The following PKHD1L1 variants were observed in gnomAD, a reference collection of about 807,000 sequenced individuals.
The protein encoded by PKHD1L1 is fibrocystin-L.
Under a neutral mutation model 462.9 loss-of-function variants are expected in PKHD1L1, and 434 were observed. The observed-to-expected ratio is 0.94, with a 90% CI of 0.87 to 1.02. The LOEUF (loss-of-function observed/expected upper bound fraction) is 1.02, where lower values mean the gene tolerates loss of function less well. Among genes scored for constraint, PKHD1L1 ranks in the 50% least tolerant of loss-of-function variants. PKHD1L1 has a pLI of 0.00. For synonymous variants in PKHD1L1, 1,781 were observed against 1,750.0 expected, an observed-to-expected ratio of 1.02 and a Z score of -0.44; for missense variants, 5,202 against 5,096.1, an observed-to-expected ratio of 1.02 and a Z score of -0.63.
intron 46 of PKHD1L1, among the ~76,000 whole-genome samples, chr8:109,457,476 T>C (rs1053449768): frequency 1.3e-5 from 2 of 152,140 alleles, no homozygotes; most frequent in African/African-American, 4.8e-5. Context: ...ATTAAGGAGT[T>C]TCCCACCAAA....
chr8:109,418,289 G>C (rs1269698310), intron 21 of PKHD1L1, among the ~76,000 whole-genome samples: 2 of 151,772 alleles, frequency 1.3e-5, no homozygotes, highest in Non-Finnish European at 2.9e-5. Flanking sequence ...CATACAATTT[G>C]CTAAAACTGA....
intron 50 of PKHD1L1, among the ~76,000 whole-genome samples, chr8:109,471,465 A>G (rs1254718214): frequency 6.6e-6 from 1 of 152,196 alleles, no homozygotes; most frequent in African/African-American, 2.4e-5. Flanking sequence ...GACTGTACAT[A>G]ATTGCATGAA....
chr8:109,404,928 G>A, intron 15 of PKHD1L1, 67 bp from the exon 16 acceptor site: 1 of 1,207,738 alleles, frequency 8.3e-7, no homozygotes, highest in Non-Finnish European at 1.1e-6. Context: ...TTGAATAGCT[G>A]AATTATGATG....
intron 2 of PKHD1L1, among the ~76,000 whole-genome samples, chr8:109,379,931 A>G (rs1812026375): frequency 6.6e-6 from 1 of 152,194 alleles, no homozygotes; most frequent in African/African-American, 2.4e-5. Context: ...TCATAGGGAT[A>G]TCTCTTGGCT....
chr8:109,529,020 GA>G (rs1287196956), intron 77 of PKHD1L1, among the ~76,000 whole-genome samples: 1 of 152,126 alleles, frequency 6.6e-6, no homozygotes, highest in Non-Finnish European at 1.5e-5. Context: ...TAAAGTCGAG[GA>G]AGAATTTGAG....
chr8:109,517,539 CA>C (rs1317877802), intron 72 of PKHD1L1, among the ~76,000 whole-genome samples: 1 of 152,050 alleles, frequency 6.6e-6, no homozygotes, highest in Non-Finnish European at 1.5e-5. Flanking sequence ...TATATTCATT[CA>C]TTATAATGAT....
At chr8:109,423,878 T>C (rs1814602578) in intron 23 of PKHD1L1, among the ~76,000 whole-genome samples, 2 of 152,220 alleles carry the variant, frequency 1.3e-5, no homozygotes, top group Non-Finnish European at 2.9e-5. Flanking sequence ...TTTTGTGAGA[T>C]TTATAAACGT....
intron 73 of PKHD1L1, 38 bp from the exon 74 acceptor site, chr8:109,522,148 C>T (rs756986204): frequency 6.5e-7 from 1 of 1,529,754 alleles, no homozygotes; most frequent in East Asian, 2.3e-5. Context: ...CAATTCTATA[C>T]TTTTATAATC....
intron 2 of PKHD1L1, among the ~76,000 whole-genome samples, chr8:109,379,165 A>G (rs1336693394): frequency 1.3e-5 from 2 of 152,168 alleles, no homozygotes; most frequent in Non-Finnish European, 1.5e-5. Context: ...TCAATAGGCT[A>G]CCACTCCTCA....
intron 50 of PKHD1L1, among the ~76,000 whole-genome samples, chr8:109,474,155 T>A (rs778565349): frequency 2.1e-4 from 32 of 152,124 alleles, no homozygotes; most frequent in Non-Finnish European, 2.2e-4. Context: ...GCATAGAAAA[T>A]CATGAATTTT....
At position 109,464,815 on chromosome 8, in the gene PKHD1L1, A is replaced by G. The variant is rs1817341906; in HGVS notation, c.7983A>G (p.Glu2661=). The G allele has an allele frequency of 3.7e-6, 6 of 1,613,832 alleles. No individual in the cohort carries two copies. Among genetic ancestry groups the G allele is most frequent in the South Asian group, 2.2e-5 (2 of 91,078 alleles). ...LTTWNCQKGA[E]WVNGGALQFH... Reference sequence around the variant, plus strand: ...CTTGGAATTGTCAAAAAGGAGCTGAATGGGTCAATGGAGGTGCCCTTCAGT... The same window carrying G: ...CTTGGAATTGTCAAAAAGGAGCTGAGTGGGTCAATGGAGGTGCCCTTCAGT... The change falls in exon 49 of 78, where the codon GAA becomes GAG. Residue 2661 remains glutamate, a synonymous_variant. Transcript: ENST00000378402.
At chr8:109,438,297 T>A in intron 30 of PKHD1L1, 27 bp from the exon 31 acceptor site, 1 of 1,410,986 alleles carries the variant, frequency 7.1e-7, no homozygotes, top group Non-Finnish European at 9.5e-7. Context: ...CAATTAATAT[T>A]TTCTAATTTT....
At chr8:109,494,691 G>T (rs1819002725) in intron 63 of PKHD1L1, among the ~76,000 whole-genome samples, 1 of 151,872 alleles carries the variant, frequency 6.6e-6, no homozygotes, top group Non-Finnish European at 1.5e-5. Flanking sequence ...GGAAGAAAGG[G>T]AAGGAATCAG....
At position 109,533,656 on chromosome 8, in the gene PKHD1L1, CCTTT is replaced by C. The variant is rs1821090637; in HGVS notation, c.*3569_*3572del. Among the ~76,000 whole-genome samples the C allele has an allele frequency of 6.6e-6, 1 of 152,102 alleles. No individual in the cohort carries two copies. Among genetic ancestry groups the C allele is most frequent in the Non-Finnish European group, 1.5e-5 (1 of 68,024 alleles). ...TGCATCCCTTTGCCTTTTCTTCATC[CCTTT>C]CTGTTTTTCCAGCTACATGGAGCAA... On this transcript the variant is annotated 3_prime_UTR_variant, in exon 78 of 78. Coordinates refer to ENST00000378402, the MANE Select transcript of PKHD1L1 (RefSeq NM_177531.6).
chr8:109,505,109 T>G (rs1819626159), intron 68 of PKHD1L1, among the ~76,000 whole-genome samples: 1 of 152,074 alleles, frequency 6.6e-6, no homozygotes, highest in Admixed American at 6.6e-5. Flanking sequence ...AGGCTGGTCT[T>G]GAACTCCTGG....
Position 109,486,755 on chromosome 8 carries a change from T to C in PKHD1L1, c.9814T>C (p.Ser3272Pro). The part of the protein sequence containing the change: ...KIVGEDYPGW[S>P]EDSFGARVLV... ...AGTTGGTGAAGATTACCCCGGTTGGTCTGAGGACTCTTTTGGAGCACGCGT... is the reference window on the plus strand; with the variant it reads ...AGTTGGTGAAGATTACCCCGGTTGGCCTGAGGACTCTTTTGGAGCACGCGT... The change falls in exon 59 of 78, where the codon TCT (serine) becomes CCT (proline). Residue 3272 changes from serine (S) to proline (P), a missense_variant. This residue lies in a region of PKHD1L1 where 4,497 missense variants were observed against 4,336.8 expected (regional missense o/e 1.04). Coordinates refer to ENST00000378402, the MANE Select transcript of PKHD1L1 (RefSeq NM_177531.6). 1.9e-6 allele frequency: 3 copies of C among 1,612,534 alleles called. No individual in the cohort carries two copies. In the South Asian group the frequency reaches 3.3e-5, roughly 18 times the overall value.
chr8:109,381,450 C>G lies in PKHD1L1; in HGVS notation c.244C>G (p.Gln82Glu), dbSNP rs1005610271. Reference protein sequence around the residue: ...GNSVQLISSFQSITCDVEKDA... With the variant: ...GNSVQLISSFESITCDVEKDA... The stretch of plus-strand genomic sequence containing the variant: ...CAGTGTGCAATTAATTTCTTCTTTC[C>G]AGTCAATTACTTGTGATGTAGAAAA... The change falls in exon 3 of 78, where the codon CAG (glutamine) becomes GAG (glutamate). Residue 82 changes from glutamine to glutamate, a missense_variant. Physicochemically the swap from Gln to Glu is conservative, Grantham distance 29. Transcript: ENST00000378402. The G allele has an allele frequency of 3.8e-6, 6 of 1,583,022 alleles. No individual in the cohort carries two copies. Among genetic ancestry groups the G allele is most frequent in the Non-Finnish European group, 5.2e-6 (6 of 1,162,300 alleles).
In PKHD1L1 at chr8:109,452,740, T is replaced by C. The variant is rs1355158507; in HGVS notation, c.6530T>C (p.Val2177Ala). 1 of 1,540,234 alleles carries C rather than the reference T, an allele frequency of 6.5e-7. No individual in the cohort carries two copies. The highest frequency in any genetic ancestry group is 8.7e-7 in the Non-Finnish European group (1 of 1,145,324). ...AKLDNADFLY[V>A]DAWSSNFSWG... is the part of the protein sequence containing the mutation. ...CAGGATAATGCTGACTTTCTTTATG[T>C]TGATGCCTGGTCCTCCAATTTCTCA... Residue 2177 changes from valine (V) to alanine (A), a missense_variant, in exon 43 of 78, where the codon GTT (valine) becomes GCT (alanine). Transcript: ENST00000378402.
chr8:109,473,618 G>C (rs191518983), intron 50 of PKHD1L1, among the ~76,000 whole-genome samples: 1 of 152,150 alleles, frequency 6.6e-6, no homozygotes, highest in Admixed American at 6.5e-5. Flanking sequence ...TAGAGGTTTT[G>C]GATGATTTTA....
Sources: gnomAD v4.1 joint callset for allele counts (sites outside exome capture counted in the v4.1 genomes callset) on GRCh38, gnomAD v4.1.1 for gene constraint, gnomAD v4.1.1 regional missense constraint, MANE v1.5 for transcripts, NCBI Gene and HGNC (gene_info 2026-07-23, HGNC 2026-07-21) for gene names.